Variants in IL21R observed in about 807,000 individuals in gnomAD.
IL21R encodes interleukin-21 receptor.
IL21R carries 14 observed loss-of-function variants against 41.3 expected under a neutral mutation model. The observed-to-expected ratio is 0.34, with a 90% confidence interval of 0.22 to 0.53. The LOEUF (loss-of-function observed/expected upper bound fraction) is 0.53. Among genes scored for constraint, IL21R ranks in the 20% least tolerant of loss-of-function variants. The pLI, the probability that IL21R is intolerant of heterozygous loss-of-function variation, is 0.94. For synonymous variants in IL21R, 286 were observed against 287.6 expected (o/e 0.99, Z 0.05); for missense variants, 588 against 681.6 (o/e 0.86, Z 1.53).
Position 27,450,227 on chromosome 16 carries a change from A to G in IL21R, c.*944A>G. The stretch of plus-strand genomic sequence containing the variant: ...TTTCGTCTCTTGGAAACAGCTCCCC[A>G]CCAACCAAGATTTCTTTTTCTAACT... On this transcript the variant is annotated 3_prime_UTR_variant, in exon 9 of 9. Transcript: ENST00000337929. The G allele has an allele frequency of 4.3e-6, 1 of 232,836 alleles. No individual in the cohort carries two copies. The highest frequency in any genetic ancestry group is 8.5e-6 in the Non-Finnish European group (1 of 117,770). The allele number at this position is 232,836 out of a possible 1,614,324, so 14.4% of individuals were successfully genotyped here.
chr16:27,434,333 C>T lies in IL21R; in HGVS notation c.50-14C>T, dbSNP rs2087227672. The T allele has an allele frequency of 6.3e-7, 1 of 1,577,282 alleles. No homozygotes were observed. The highest frequency in any genetic ancestry group is 8.7e-7 in the Non-Finnish European group (1 of 1,147,342). On this transcript the variant is annotated splice_polypyrimidine_tract_variant and intron_variant, in intron 2 of 8. Coordinates refer to ENST00000337929, the MANE Select transcript of IL21R (RefSeq NM_181078.3). The stretch of plus-strand genomic sequence containing the variant: ...CACCCCCCACCAAGGCCTCTCTCCC[C>T]ACTGACCCTCCAGGCTGGGGCTGCC...
At position 27,450,550 on chromosome 16, in the gene IL21R, A is replaced by C; in HGVS notation, c.*1267A>C. ...CTGTTGAAATGTGAATTAAGAAGCTAAGAAAATATTTCTTAGCAACATTTT... is the reference window on the plus strand; with the variant it reads ...CTGTTGAAATGTGAATTAAGAAGCTCAGAAAATATTTCTTAGCAACATTTT... On this transcript the variant is annotated 3_prime_UTR_variant, in exon 9 of 9. Coordinates refer to ENST00000337929, the MANE Select transcript of IL21R (RefSeq NM_181078.3). 1 of 225,652 alleles carries C rather than the reference A, an allele frequency of 4.4e-6. No individual in the cohort carries two copies. The highest frequency in any genetic ancestry group is 8.8e-6 in the Non-Finnish European group (1 of 113,342). 14.0% of individuals were successfully genotyped at this position (225,652 alleles called of 1,614,324 possible).
intron 1 of IL21R, chr16:27,427,443 T>A: frequency 1.0e-5 from 5 of 483,270 alleles, no homozygotes; most frequent in Non-Finnish European, 1.1e-5. Context: ...TCATTCAGGC[T>A]GGAGTGCAAT....
chr16:27,448,093 CTCTG>C (rs1201171356), intron 8 of IL21R: 2 of 158,096 alleles, frequency 1.3e-5, no homozygotes, highest in African/African-American at 2.4e-5. Flanking sequence ...ATCTTCATGT[CTCTG>C]TCTGTCTCTC....
intron 1 of IL21R, among the ~76,000 whole-genome samples, chr16:27,407,750 G>T (rs62032061): frequency 0.021 from 3,173 of 152,266 alleles, 50 homozygotes; most frequent in Non-Finnish European, 0.025. Context: ...ACTTGAACCC[G>T]GGAGGCGGAG....
At chr16:27,440,021 G>T (rs1457242586) in intron 4 of IL21R, among the ~76,000 whole-genome samples, 2 of 151,854 alleles carry the variant, frequency 1.3e-5, no homozygotes, top group Non-Finnish European at 2.9e-5. Flanking sequence ...ACAAAAGAGG[G>T]GTTAGAAACG....
At chr16:27,405,299 CTGGGAT>C (rs2086725163) in intron 1 of IL21R, among the ~76,000 whole-genome samples, 5 of 152,102 alleles carry the variant, frequency 3.3e-5, no homozygotes, top group Admixed American at 3.3e-4. Context: ...TCCCAAAGTG[CTGGGAT>C]TATAGACATG....
rs746657855 is a variant in IL21R at position 27,434,440 on chromosome 16, C to G, written c.143C>G (p.Thr48Ser). 6.2e-7 allele frequency: 1 copy of G among 1,610,526 alleles called. No homozygotes were observed. The highest frequency in any genetic ancestry group is 1.7e-5 in the Admixed American group (1 of 60,006). ...EMWNLHPSTL[T>S]LTWQDQYEEL... is the part of the protein sequence containing the mutation. ...TGGAACCTCCACCCCAGCACGCTCA[C>G]CCTTACCTGGTAAGTAGCCGGGCCT... The change falls in exon 3 of 9, where the codon ACC becomes AGC. Residue 48 changes from threonine (T) to serine (S), a missense_variant. Physicochemically the swap from Thr to Ser is moderately conservative, Grantham distance 58 (BLOSUM62 1). Coordinates refer to ENST00000337929, the MANE Select transcript of IL21R (RefSeq NM_181078.3).
Position 27,443,004 on chromosome 16 carries a change from G to C in IL21R, c.395G>C (p.Gly132Ala), listed in dbSNP as rs1196250104. 1.9e-6 allele frequency: 3 copies of C among 1,613,590 alleles called. No homozygotes were observed. In the African/African-American group the frequency reaches 4.0e-5, roughly 22 times the overall value. ...PPFNVTVTFS[G>A]QYNISWRSDY... ...TTCAACGTGACTGTGACCTTCTCAG[G>C]ACAGTATAATATCTCCTGGCGCTCA... Residue 132 changes from glycine (G) to alanine (A), a missense_variant, in exon 5 of 9, where the codon GGA becomes GCA. Gly to Ala is a moderately conservative substitution (Grantham distance 60). Coordinates refer to ENST00000337929, the MANE Select transcript of IL21R (RefSeq NM_181078.3).
chr16:27,426,151 G>A (rs2087073454), intron 1 of IL21R, among the ~76,000 whole-genome samples: 1 of 152,138 alleles, frequency 6.6e-6, no homozygotes, highest in African/African-American at 2.4e-5. Context: ...TTTTACAGAT[G>A]AGGCCCAGAA....
At chr16:27,430,800 G>A (rs756227782) in intron 2 of IL21R, among the ~76,000 whole-genome samples, 10 of 152,156 alleles carry the variant, frequency 6.6e-5, no homozygotes, top group Admixed American at 5.2e-4. Flanking sequence ...GCAACAGAGC[G>A]AGACCCTGTC....
intron 8 of IL21R, among the ~76,000 whole-genome samples, chr16:27,446,513 C>T (rs115419046): frequency 2.2e-3 from 335 of 151,836 alleles, no homozygotes; most frequent in African/African-American, 7.7e-3. Flanking sequence ...TGAGGCAGGA[C>T]GATCGTTCAG....
rs570797134 is a variant in IL21R, at chr16:27,418,662, G to A, written c.-16-11394G>A. 3.9e-4 allele frequency among the ~76,000 whole-genome samples: 59 copies of A among 152,240 alleles called. 1 individual carries two copies. The highest frequency in any genetic ancestry group is 1.9e-3 in the South Asian group (9 of 4,824). On this transcript the variant is annotated intron_variant, in intron 1 of 8. Coordinates refer to ENST00000337929, the MANE Select transcript of IL21R (RefSeq NM_181078.3). Reference sequence around the variant, plus strand: ...TGGGATTACAGGCATGAGCCGCTGCGCCCCGCCAACATTTTTTCTTTATAA... The same window carrying A: ...TGGGATTACAGGCATGAGCCGCTGCACCCCGCCAACATTTTTTCTTTATAA...
chr16:27,408,904 A>T (rs903888781), intron 1 of IL21R, among the ~76,000 whole-genome samples: 6 of 152,118 alleles, frequency 3.9e-5, no homozygotes, highest in African/African-American at 1.4e-4. Flanking sequence ...GAAACCAAGA[A>T]CTTGGGTTCT....
rs1180045228 is a variant in IL21R, at chr16:27,448,613, T to C, written c.947T>C (p.Val316Ala). The C allele has an allele frequency of 3.8e-5, 62 of 1,612,468 alleles. No individual in the cohort carries two copies. The highest frequency in any genetic ancestry group is 5.2e-5 in the Non-Finnish European group (61 of 1,179,912). The change falls in exon 9 of 9, where the codon GTG (valine) becomes GCG (alanine). Residue 316 changes from valine (V) to alanine (A), a missense_variant. Coordinates refer to ENST00000337929, the MANE Select transcript of IL21R (RefSeq NM_181078.3). ...CCAGAGGTGCCCTCCACCCTGGAGG[T>C]GTACAGCTGCCACCCACCACGGAGC... is the stretch of plus-strand genomic sequence containing the variant. ...WSPEVPSTLE[V>A]YSCHPPRSPA...
chr16:27,430,529 T>C (rs1399089239), intron 2 of IL21R, among the ~76,000 whole-genome samples: 1 of 152,176 alleles, frequency 6.6e-6, no homozygotes, highest in Non-Finnish European at 1.5e-5. Context: ...TTTTCAACAA[T>C]TGCTGCACCG....
At chr16:27,431,969 A>ACC (rs140510917) in intron 2 of IL21R, among the ~76,000 whole-genome samples, 1 of 151,638 alleles carries the variant, frequency 6.6e-6, no homozygotes, top group African/African-American at 2.4e-5. Context: ...TGAACGCTGC[A>ACC]CCACCCCCAG....
intron 1 of IL21R, among the ~76,000 whole-genome samples, chr16:27,420,555 G>C (rs1229868311): frequency 2.0e-5 from 3 of 152,210 alleles, no homozygotes; most frequent in Admixed American, 6.5e-5. Context: ...TCTCTCTAGA[G>C]AGTAATGTCA....
rs935986739 is a variant in IL21R at position 27,449,458 on chromosome 16, A to G, written c.*175A>G. On this transcript the variant is annotated 3_prime_UTR_variant, in exon 9 of 9. Coordinates refer to ENST00000337929, the MANE Select transcript of IL21R (RefSeq NM_181078.3). ...TGCATATGTGTGTGTGTGCATATGC[A>G]TGTGTGTGTGTGTGTGTGTCTTAGG... 7.9e-3 allele frequency: 4,721 copies of G among 600,540 alleles called. 33 individuals carry two copies. The highest frequency in any genetic ancestry group is 0.012 in the Non-Finnish European group (4,079 of 349,092). 37.2% of individuals were successfully genotyped at this position (600,540 alleles called of 1,614,324 possible). A position where few individuals can be genotyped will look rare whatever the true frequency, so the allele number is the denominator to read the frequency against.
Sources: gnomAD v4.1 joint callset for allele counts (sites outside exome capture counted in the v4.1 genomes callset) on GRCh38, gnomAD v4.1.1 for gene constraint, MANE v1.5 for transcripts, NCBI Gene and HGNC (gene_info 2026-07-23, HGNC 2026-07-21) for gene names.